The following ACTL8 variants were observed in gnomAD, a reference collection of about 807,000 sequenced individuals.
ACTL8 encodes actin like 8.
ACTL8 carries 3 observed loss-of-function variants against 9.3 expected under a neutral mutation model. That is an observed-to-expected ratio of 0.32 (90% CI 0.15 to 0.83). The LOEUF is 0.83. Ranked by LOEUF, ACTL8 falls within the 40% of genes least tolerant of loss-of-function variation. ACTL8 has a pLI of 0.57. For synonymous variants in ACTL8, 224 were observed against 205.9 expected, an observed-to-expected ratio of 1.09 and a Z score of -0.75; for missense variants, 381 against 492.2, an observed-to-expected ratio of 0.77 and a Z score of 2.14.
intron 1 of ACTL8, among the ~76,000 whole-genome samples, chr1:17,756,427 G>A (rs372102854): frequency 2.0e-5 from 3 of 152,148 alleles, no homozygotes; most frequent in African/African-American, 4.8e-5. Context: ...GATGGGGTCT[G>A]GTCTTCAGAG....
At chr1:17,804,780 T>C (rs1384650789) in intron 1 of ACTL8, among the ~76,000 whole-genome samples, 1 of 151,964 alleles carries the variant, frequency 6.6e-6, no homozygotes, top group Non-Finnish European at 1.5e-5. Context: ...CAAGCCCAGC[T>C]AATTTTTGTA....
intron 1 of ACTL8, among the ~76,000 whole-genome samples, chr1:17,759,993 C>T (rs935287590): frequency 3.9e-5 from 6 of 152,162 alleles, no homozygotes; most frequent in Non-Finnish European, 8.8e-5. Context: ...CTTCCCCCTC[C>T]TAATAGGATG....
chr1:17,793,574 T>G (rs542430881), intron 1 of ACTL8, among the ~76,000 whole-genome samples: 1 of 152,278 alleles, frequency 6.6e-6, no homozygotes, highest in East Asian at 1.9e-4. Context: ...ACCTCACATC[T>G]CATCTAAAGC....
chr1:17,793,818 C>T (rs748828861), intron 1 of ACTL8, among the ~76,000 whole-genome samples: 2 of 152,158 alleles, frequency 1.3e-5, no homozygotes, highest in South Asian at 2.1e-4. Context: ...ATGCTCTGCT[C>T]TCTGCAAGGT....
intron 1 of ACTL8, among the ~76,000 whole-genome samples, chr1:17,815,887 T>A (rs1368736157): frequency 6.6e-6 from 1 of 152,210 alleles, no homozygotes; most frequent in Non-Finnish European, 1.5e-5. Context: ...TAATTTCTAT[T>A]GATATTTGAA....
chr1:17,793,360 G>A (rs1570020820), intron 1 of ACTL8, among the ~76,000 whole-genome samples: 1 of 152,168 alleles, frequency 6.6e-6, no homozygotes, highest in Non-Finnish European at 1.5e-5. Context: ...CTGTGCAAAA[G>A]GTTTTATCTG....
chr1:17,784,030 C>T (rs1280935798), intron 1 of ACTL8, among the ~76,000 whole-genome samples: 3 of 152,146 alleles, frequency 2.0e-5, no homozygotes, highest in Non-Finnish European at 2.9e-5. Context: ...ATATGGGAAT[C>T]GTATTAGTCC....
chr1:17,822,257 C>T (rs74638153), intron 1 of ACTL8, among the ~76,000 whole-genome samples: 2 of 47,094 alleles, frequency 4.2e-5, no homozygotes, highest in Non-Finnish European at 1.0e-4. Flanking sequence ...ATCTTACCCC[C>T]TGTGCCTCAG....
intron 2 of ACTL8, among the ~76,000 whole-genome samples, chr1:17,825,089 T>A (rs2053702860): frequency 8.3e-6 from 1 of 121,164 alleles, no homozygotes; most frequent in African/African-American, 3.1e-5. Flanking sequence ...CAGGGGGGCT[T>A]TGTAAAGATT....
chr1:17,816,158 T>C (rs2124187975), intron 1 of ACTL8, among the ~76,000 whole-genome samples: 1 of 152,160 alleles, frequency 6.6e-6, no homozygotes, highest in Admixed American at 6.5e-5. Flanking sequence ...TGTTACGAAC[T>C]ATATTCACCA....
At chr1:17,817,404 A>AG (rs1405482014) in intron 1 of ACTL8, among the ~76,000 whole-genome samples, 1 of 152,176 alleles carries the variant, frequency 6.6e-6, no homozygotes, top group Non-Finnish European at 1.5e-5. Flanking sequence ...GACATGCTTT[A>AG]GCCAAGGCTG....
At chr1:17,764,102 G>C (rs577490133) in intron 1 of ACTL8, among the ~76,000 whole-genome samples, 2 of 152,288 alleles carry the variant, frequency 1.3e-5, no homozygotes, top group South Asian at 4.2e-4. Flanking sequence ...GGGTGGGGGT[G>C]CTGGTGCTTT....
chr1:17,789,551 A>G (rs2066223057), intron 1 of ACTL8, among the ~76,000 whole-genome samples: 3 of 152,170 alleles, frequency 2.0e-5, no homozygotes, highest in Non-Finnish European at 2.9e-5. Context: ...CACTTAGCAC[A>G]GTGCCAGGCA....
chr1:17,768,547 G>A (rs1225712299), intron 1 of ACTL8, among the ~76,000 whole-genome samples: 1 of 152,234 alleles, frequency 6.6e-6, no homozygotes, highest in African/African-American at 2.4e-5. Flanking sequence ...AAGGATGGAG[G>A]ATATCATCAA....
At chr1:17,782,569 A>G (rs937842014) in intron 1 of ACTL8, among the ~76,000 whole-genome samples, 4 of 152,200 alleles carry the variant, frequency 2.6e-5, no homozygotes, top group African/African-American at 7.2e-5. Context: ...GGACCATAAC[A>G]TACGTAACGG....
intron 1 of ACTL8, among the ~76,000 whole-genome samples, chr1:17,783,010 C>T (rs1021216204): frequency 6.6e-6 from 1 of 152,176 alleles, no homozygotes; most frequent in African/African-American, 2.4e-5. Flanking sequence ...GTATGCCAGG[C>T]CAGCTGCTGA....
chr1:17,823,442 C>T lies in ACTL8; in HGVS notation c.348+86C>T. On this transcript the variant is annotated intron_variant, in intron 2 of 2. Coordinates refer to ENST00000375406, the MANE Select transcript of ACTL8 (RefSeq NM_030812.3). This position sits in a 1 kb window ranked among gnomAD's most constrained non-coding sequence, Gnocchi z 5.3. The stretch of plus-strand genomic sequence containing the variant: ...GACTGATTGGGCACCAGGAATTCTG[C>T]TTTTTAAGATAAATTGCCAACCAGG... 1 of 1,337,484 alleles carries T rather than the reference C, an allele frequency of 7.5e-7. No individual in the cohort carries two copies. The highest frequency in any genetic ancestry group is 1.0e-6 in the Non-Finnish European group (1 of 988,510). 82.9% of individuals were successfully genotyped at this position (1,337,484 alleles called of 1,614,324 possible).
At chr1:17,758,739 TAG>T (rs1049431595) in intron 1 of ACTL8, among the ~76,000 whole-genome samples, 8 of 152,202 alleles carry the variant, frequency 5.3e-5, no homozygotes, top group Non-Finnish European at 1.0e-4. Context: ...TGGTCAGGGA[TAG>T]AGTCTTAGCT....
intron 1 of ACTL8, 151 bp from the exon 2 acceptor site, chr1:17,822,834 C>T: frequency 1.6e-6 from 1 of 617,328 alleles, no homozygotes; most frequent in Non-Finnish European, 2.8e-6. Context: ...GGGGAGTGTT[C>T]CAGGCACAGG....
Sources: allele counts gnomAD v4.1 joint callset (sites outside exome capture counted in the v4.1 genomes callset), GRCh38; gene constraint gnomAD v4.1.1; non-coding constraint Gnocchi (gnomAD v3.1); transcripts MANE v1.5; gene names NCBI Gene and HGNC (gene_info 2026-07-23, HGNC 2026-07-21).